The following SHISA9 variants were observed in gnomAD, a reference collection of about 807,000 sequenced individuals.
SHISA9 encodes the protein shisa family member 9, also known as protein shisa-9.
SHISA9 carries 13 observed loss-of-function variants against 38.0 expected under a neutral mutation model. The ratio of observed to expected loss-of-function variants is 0.34; its 90% CI spans 0.22 to 0.54. The LOEUF is 0.54. Among genes scored for constraint, SHISA9 ranks in the 20% least tolerant of loss-of-function variants. The probability of loss-of-function intolerance (pLI) is 0.91; values close to 1 mark genes in which losing one functional copy is unlikely to be tolerated. For synonymous variants in SHISA9, 275 were observed against 242.0 expected, an observed-to-expected ratio of 1.14 and a Z score of -1.27; for missense variants, 538 against 575.8, an observed-to-expected ratio of 0.93 and a Z score of 0.67.
At chr16:13,022,197 G>C (rs1319172934) in intron 2 of SHISA9, among the ~76,000 whole-genome samples, 4 of 152,188 alleles carry the variant, frequency 2.6e-5, no homozygotes, top group Middle Eastern at 3.4e-3. Flanking sequence ...TGTTGCCCAG[G>C]CTGGAGTGCA....
rs918171566 is a variant in SHISA9 at position 12,975,848 on chromosome 16, G to C, written c.691+59033G>C. ...GCTTAGTGGCCTGAGTGATAAAGAA[G>C]GATAATAGCTTCATTTATTTGAACA... On this transcript the variant is annotated intron_variant, in intron 2 of 4. Transcript: ENST00000558583. 2.0e-5 allele frequency among the ~76,000 whole-genome samples: 3 copies of C among 151,736 alleles called. No individual in the cohort carries two copies. In the East Asian group the frequency reaches 5.8e-4, roughly 30 times the overall value.
At chr16:13,027,614 A>G (rs1035684904) in intron 2 of SHISA9, among the ~76,000 whole-genome samples, 2 of 152,202 alleles carry the variant, frequency 1.3e-5, no homozygotes, top group Non-Finnish European at 2.9e-5. Flanking sequence ...CGGCAATAAA[A>G]AATAATGAAT....
rs562665567 is a variant in SHISA9, at chr16:12,931,539, T to C, written c.691+14724T>C. Among the ~76,000 whole-genome samples the C allele has an allele frequency of 7.2e-5, 11 of 152,346 alleles. 2 individuals are homozygous for C. The highest frequency in any genetic ancestry group is 6.8e-3 in the Middle Eastern group (2 of 294). Reference sequence around the variant, plus strand: ...CACTTATAAGTGAGAACATGTGGTATTTGGCTTTCTGTTCCTGTGTTAACT... The same window carrying C: ...CACTTATAAGTGAGAACATGTGGTACTTGGCTTTCTGTTCCTGTGTTAACT... On this transcript the variant is annotated intron_variant, in intron 2 of 4. Transcript: ENST00000558583.
chr16:13,032,577 G>T (rs551744742), intron 2 of SHISA9, among the ~76,000 whole-genome samples: 1 of 152,176 alleles, frequency 6.6e-6, no homozygotes, highest in African/African-American at 2.4e-5. Context: ...GTAATTTTTA[G>T]AAATGTGTAT....
At chr16:13,233,136 C>T (rs999477027) in intron 4 of SHISA9, among the ~76,000 whole-genome samples, 3 of 151,964 alleles carry the variant, frequency 2.0e-5, no homozygotes, top group African/African-American at 7.3e-5. Context: ...CGATATATAG[C>T]GTTAAATAAA....
chr16:13,361,875 A>G, the SHISA9 span, among the ~76,000 whole-genome samples: 1 of 152,266 alleles, frequency 6.6e-6, no homozygotes, highest in Non-Finnish European at 1.5e-5. Context: ...TATTTCCACT[A>G]TGTGTATTAT....
intron 2 of SHISA9, among the ~76,000 whole-genome samples, chr16:12,981,488 A>C (rs552473369): frequency 1.3e-5 from 2 of 152,288 alleles, no homozygotes; most frequent in African/African-American, 4.8e-5. Context: ...ATCCCAGTCC[A>C]AATCAGCACG....
intron 2 of SHISA9, among the ~76,000 whole-genome samples, chr16:13,143,237 T>A (rs1008972385): frequency 1.3e-5 from 2 of 152,072 alleles, no homozygotes; most frequent in African/African-American, 4.8e-5. Context: ...CTTGGATTCC[T>A]GACCTAAGGT....
intron 2 of SHISA9, among the ~76,000 whole-genome samples, chr16:13,156,818 C>A (rs1370933332): frequency 6.6e-6 from 1 of 152,064 alleles, no homozygotes; most frequent in African/African-American, 2.4e-5. Context: ...CATTGTTACA[C>A]CAAACCCTAT....
the SHISA9 span, among the ~76,000 whole-genome samples, chr16:13,354,433 A>G: frequency 6.6e-6 from 1 of 151,248 alleles, no homozygotes; most frequent in African/African-American, 2.4e-5. Context: ...CAGGTGTGGT[A>G]TCAGGAATAA....
intron 2 of SHISA9, among the ~76,000 whole-genome samples, chr16:13,175,762 A>G (rs1318438901): frequency 6.6e-6 from 1 of 152,204 alleles, no homozygotes; most frequent in African/African-American, 2.4e-5. Flanking sequence ...CTGGTGCCCA[A>G]TGCTAGTAGC....
chr16:13,465,554 A>G, the SHISA9 span, among the ~76,000 whole-genome samples: 13 of 152,350 alleles, frequency 8.5e-5, no homozygotes, highest in African/African-American at 3.1e-4. Context: ...GAACTGCAAT[A>G]TAGAACAAAG....
chr16:13,275,414 CCTTT>C, the SHISA9 span, among the ~76,000 whole-genome samples: 1 of 151,994 alleles, frequency 6.6e-6, no homozygotes, highest in Non-Finnish European at 1.5e-5. Flanking sequence ...ACATTTTTCT[CCTTT>C]CTTATCAATA....
At chr16:13,403,820 A>G in the SHISA9 span, among the ~76,000 whole-genome samples, 1 of 152,112 alleles carries the variant, frequency 6.6e-6, no homozygotes, top group Non-Finnish European at 1.5e-5. Flanking sequence ...GCGTTTTGGT[A>G]CCAGCTGGCT....
chr16:13,227,016 C>G (rs1422268116), intron 4 of SHISA9, among the ~76,000 whole-genome samples: 2 of 152,194 alleles, frequency 1.3e-5, no homozygotes, highest in Admixed American at 6.5e-5. Context: ...CACATATTCC[C>G]TCACGTGGGT....
chr16:13,311,463 T>G, the SHISA9 span, among the ~76,000 whole-genome samples: 1 of 152,112 alleles, frequency 6.6e-6, no homozygotes, highest in Admixed American at 6.5e-5. Context: ...CCCAGCCCCA[T>G]GTAGAGACTC....
chr16:13,068,734 G>A (rs2073464248), intron 2 of SHISA9, among the ~76,000 whole-genome samples: 1 of 152,232 alleles, frequency 6.6e-6, no homozygotes, highest in Non-Finnish European at 1.5e-5. Context: ...GTGTATAAAT[G>A]TGTGAGTGCA....
At chr16:13,361,465 C>T in the SHISA9 span, among the ~76,000 whole-genome samples, 1 of 152,212 alleles carries the variant, frequency 6.6e-6, no homozygotes, top group African/African-American at 2.4e-5. Flanking sequence ...GTGTGCTGAG[C>T]ATTTTATGAG....
chr16:12,917,908 A>G (rs2071279374), intron 2 of SHISA9, among the ~76,000 whole-genome samples: 1 of 152,178 alleles, frequency 6.6e-6, no homozygotes, highest in African/African-American at 2.4e-5. Flanking sequence ...TCTTATGCTC[A>G]GTGGGTAGAG....
Sources: allele counts gnomAD v4.1 joint callset (sites outside exome capture counted in the v4.1 genomes callset), GRCh38; gene constraint gnomAD v4.1.1; transcripts MANE v1.5; gene names NCBI Gene and HGNC (gene_info 2026-07-23, HGNC 2026-07-21).